CUL2: variants seen among roughly 807,000 people sequenced by gnomAD.
CUL2 encodes cullin 2, also known as cullin-2.
In CUL2, 22 loss-of-function variants were observed where a neutral mutation model predicts 110.2. The ratio of observed to expected loss-of-function variants is 0.20; its 90% confidence interval spans 0.14 to 0.28. The LOEUF (loss-of-function observed/expected upper bound fraction) is 0.28, where lower values mean the gene tolerates loss of function less well. Among genes scored for constraint, CUL2 ranks in the 10% least tolerant of loss-of-function variants. The pLI is 1.00. For missense variants in CUL2, 631 were observed against 905.5 expected, an observed-to-expected ratio of 0.70 and a Z score of 3.89; for synonymous variants, 279 against 293.2, an observed-to-expected ratio of 0.95 and a Z score of 0.49.
chr10:35,075,824 C>T (rs888013069), intron 1 of CUL2, among the ~76,000 whole-genome samples: 4 of 152,158 alleles, frequency 2.6e-5, no homozygotes, highest in Non-Finnish European at 5.9e-5. Flanking sequence ...GATTTCCTCA[C>T]AGCATAATTT....
intron 2 of CUL2, among the ~76,000 whole-genome samples, chr10:35,064,981 TTGG>T (rs1226263126): frequency 1.1e-4 from 17 of 152,344 alleles, no homozygotes; most frequent in African/African-American, 4.1e-4. Context: ...TTCTGCACTG[TTGG>T]ACTCCTTCAG....
Position 35,039,056 on chromosome 10 carries a change from T to A in CUL2, c.741A>T (p.Glu247Asp). 6.2e-7 allele frequency: 1 copy of A among 1,603,710 alleles called. No homozygotes were observed. The part of the protein sequence containing the change: ...EKVLGRLKDE[E>D]IRCRKYLHPS... The stretch of plus-strand genomic sequence containing the variant: ...GATGTAGGTATTTTCGACATCGAAT[T>A]TCTTCATCTTTTAATCTACCTAGAA... The change falls in exon 9 of 21, where the codon GAA becomes GAT. Residue 247 changes from glutamate to aspartate, a missense_variant. Glu to Asp is a conservative substitution (Grantham distance 45). Transcript: ENST00000374749.
At chr10:35,106,306 T>A (rs1020181139) in intron 1 of CUL2, among the ~76,000 whole-genome samples, 1 of 139,292 alleles carries the variant, frequency 7.2e-6, no homozygotes, top group Non-Finnish European at 1.7e-5. Flanking sequence ...TGTTTTTTGT[T>A]TTTTTTTTTG....
Position 35,016,397 on chromosome 10 carries a change from A to G in CUL2, c.1685-3T>C, listed in dbSNP as rs376084940. 1.3e-6 allele frequency: 2 copies of G among 1,585,570 alleles called. No individual in the cohort carries two copies. The highest frequency in any genetic ancestry group is 1.7e-6 in the Non-Finnish European group (2 of 1,160,500). The stretch of plus-strand genomic sequence containing the variant: ...CAAATAGTTCATTTTAACTTCACCT[A>G]CAATTAAAACAAAAACTGACAGTGA... On this transcript the variant is annotated splice_polypyrimidine_tract_variant and splice_region_variant and intron_variant, in intron 17 of 20. Coordinates refer to ENST00000374749, the MANE Select transcript of CUL2 (RefSeq NM_003591.4).
rs116116145 is a variant in CUL2 at position 35,080,625 on chromosome 10, T to C, written c.-22-9286A>G. Among the ~76,000 whole-genome samples the C allele has an allele frequency of 2.8e-3, 423 of 152,072 alleles. 1 individual carries two copies. The highest frequency in any genetic ancestry group is 7.4e-3 in the African/African-American group (307 of 41,510). ...GGCACACACCACTGCACTGAGCTAC[T>C]TTTTTGTATTTGTAGAGATGGGGTT... On this transcript the variant is annotated intron_variant, in intron 1 of 20. Transcript: ENST00000374749.
At chr10:35,039,690 C>G (rs1359175581) in intron 8 of CUL2, among the ~76,000 whole-genome samples, 2 of 151,930 alleles carry the variant, frequency 1.3e-5, no homozygotes, top group Non-Finnish European at 2.9e-5. Context: ...TATGGCGAAA[C>G]CCTGTCTCTA....
intron 1 of CUL2, among the ~76,000 whole-genome samples, chr10:35,085,721 G>T (rs1164370078): frequency 1.4e-5 from 2 of 145,120 alleles, no homozygotes; most frequent in East Asian, 2.0e-4. Context: ...AAAAAAAACT[G>T]ATAGTGCATA....
intron 9 of CUL2, among the ~76,000 whole-genome samples, chr10:35,036,172 T>C (rs1388087685): frequency 6.6e-6 from 1 of 152,224 alleles, no homozygotes; most frequent in Non-Finnish European, 1.5e-5. Flanking sequence ...AAATCACAGA[T>C]GAGTTTGAAC....
chr10:35,047,882 T>G (rs2085988161), intron 6 of CUL2, among the ~76,000 whole-genome samples: 1 of 151,550 alleles, frequency 6.6e-6, no homozygotes, highest in African/African-American at 2.4e-5. Context: ...TCCAGCCTAG[T>G]AGACAGAGTG....
At chr10:35,041,781 C>T (rs1199298533) in intron 8 of CUL2, among the ~76,000 whole-genome samples, 1 of 152,174 alleles carries the variant, frequency 6.6e-6, no homozygotes, top group Admixed American at 6.5e-5. Flanking sequence ...GCGTAATCTG[C>T]CCGCCTCAGC....
intron 1 of CUL2, 98 bp from the exon 2 acceptor site, chr10:35,071,437 C>T (rs2086675512): frequency 2.9e-6 from 3 of 1,049,736 alleles, no homozygotes; most frequent in South Asian, 3.0e-5. Context: ...CGGAGTCTCG[C>T]TCTGTCGCCC....
chr10:35,098,382 A>G (rs958730422), intron 2 of CUL2, among the ~76,000 whole-genome samples: 15 of 152,334 alleles, frequency 9.8e-5, no homozygotes, highest in East Asian at 9.6e-4. Context: ...CTTATACATG[A>G]CATGTGAAAG....
At chr10:35,070,862 C>A (rs1200730967) in intron 2 of CUL2, among the ~76,000 whole-genome samples, 1 of 152,152 alleles carries the variant, frequency 6.6e-6, no homozygotes, top group African/African-American at 2.4e-5. Context: ...TTTATCACGA[C>A]CTCTTCTTGA....
rs548556396 is a variant in CUL2, at chr10:35,018,710, C to A, written c.1685-2316G>T. Among the ~76,000 whole-genome samples the A allele has an allele frequency of 2.8e-3, 415 of 147,260 alleles. 1 individual carries two copies. Among genetic ancestry groups the A allele is most frequent in the African/African-American group, 7.8e-3 (310 of 39,914 alleles). ...CCCGGGAGGTGGAGGTTGCTGTGAG[C>A]CGAGATCGCGCCATTGCACTCCAGC... On this transcript the variant is annotated intron_variant, in intron 17 of 20. Transcript: ENST00000374749.
At chr10:35,088,086 A>T (rs1263665845) in intron 1 of CUL2, among the ~76,000 whole-genome samples, 3 of 152,168 alleles carry the variant, frequency 2.0e-5, no homozygotes, top group African/African-American at 7.2e-5. Flanking sequence ...ACAGTATCTG[A>T]AGTAATCTCC....
intron 1 of CUL2, among the ~76,000 whole-genome samples, chr10:35,086,730 A>C (rs2087074408): frequency 6.6e-6 from 1 of 152,164 alleles, no homozygotes; most frequent in Non-Finnish European, 1.5e-5. Flanking sequence ...AAATAAATAA[A>C]TAAATAAATA....
chr10:35,078,797 T>C (rs968057661), intron 1 of CUL2, among the ~76,000 whole-genome samples: 7 of 152,222 alleles, frequency 4.6e-5, no homozygotes, highest in African/African-American at 1.7e-4. Context: ...ATTCTCTTTA[T>C]AGTGAACAAA....
At chr10:35,032,354 C>T (rs1053242986) in intron 12 of CUL2, 81 bp downstream of exon 12, 46 of 1,242,396 alleles carry the variant, frequency 3.7e-5, no homozygotes, top group African/African-American at 7.7e-5. Flanking sequence ...CTACAAAAAC[C>T]AAATTAATTT....
intron 1 of CUL2, chr10:35,120,175 A>G (rs2087661388): frequency 6.6e-6 from 1 of 152,196 alleles, no homozygotes; most frequent in Non-Finnish European, 1.5e-5. Context: ...GAAGTCCCTG[A>G]GTGAATCTGT....
Sources: allele counts gnomAD v4.1 joint callset (sites outside exome capture counted in the v4.1 genomes callset), GRCh38; gene constraint gnomAD v4.1.1; transcripts MANE v1.5; gene names NCBI Gene and HGNC (gene_info 2026-07-23, HGNC 2026-07-21).